Variants in ATXN1 observed in about 807,000 individuals in gnomAD.
ATXN1 encodes ataxin 1.
ATXN1 carries 8 observed loss-of-function variants against 56.4 expected under a neutral mutation model. The observed-to-expected ratio is 0.14, with a 90% CI of 0.08 to 0.26. The LOEUF is 0.26. Ranked by LOEUF, ATXN1 falls within the 10% of genes least tolerant of loss-of-function variation. ATXN1 has a pLI of 1.00. For missense variants in ATXN1, 987 were observed against 1,106.5 expected, an observed-to-expected ratio of 0.89 and a Z score of 1.53; for synonymous variants, 514 against 494.6, an observed-to-expected ratio of 1.04 and a Z score of -0.52.
rs180820944 is a variant in ATXN1 at position 16,549,242 on chromosome 6, G to A, written c.-360-26554C>T. On this transcript the variant is annotated intron_variant, in intron 4 of 7. Coordinates refer to ENST00000436367, the MANE Select transcript of ATXN1 (RefSeq NM_001128164.2). ...GTAAGTGCATAAACCAATAACAGTT[G>A]TTTATTACCATTATCAAGCATTATG... Among the ~76,000 whole-genome samples, 872 of 152,108 alleles carry A rather than the reference G, an allele frequency of 5.7e-3. 7 individuals carry two copies. The highest frequency in any genetic ancestry group is 8.9e-3 in the Non-Finnish European group (604 of 68,012).
chr6:16,379,567 G>C (rs75670595), intron 6 of ATXN1, among the ~76,000 whole-genome samples: 10 of 152,124 alleles, frequency 6.6e-5, no homozygotes, highest in Admixed American at 6.5e-4. Flanking sequence ...CAAGCAGAAA[G>C]TAACAGCTTA....
chr6:16,539,703 C>T (rs1007463379), intron 4 of ATXN1, among the ~76,000 whole-genome samples: 1 of 152,182 alleles, frequency 6.6e-6, no homozygotes, highest in African/African-American at 2.4e-5. Flanking sequence ...GCTTAGTCAT[C>T]GGATCAGCCT....
In ATXN1 at chr6:16,650,898, C is replaced by T. The variant is rs544664410; in HGVS notation, c.-489+6878G>A. Among the ~76,000 whole-genome samples, 7 of 152,220 alleles carry T rather than the reference C, an allele frequency of 4.6e-5. No individual in the cohort carries two copies. The South Asian group carries it at 8.3e-4, about 18-fold the overall frequency. On this transcript the variant is annotated intron_variant, in intron 3 of 7. Transcript: ENST00000436367. ...GAAATGCCCTGAATCTATTCTAGTT[C>T]GGGAGGAAAGGAGTAGAGAGGAGCT...
In ATXN1 at chr6:16,482,520, C is replaced by T. The variant is rs1290626863; in HGVS notation, c.-161+3452G>A. ...TGATAAGGTAACTCAAGAATTCCTA[C>T]TTAAGGAAGCAGAGAAGCTTAGGAA... On this transcript the variant is annotated intron_variant, in intron 6 of 7. Transcript: ENST00000436367. Among the ~76,000 whole-genome samples the T allele has an allele frequency of 2.0e-5, 3 of 152,154 alleles. No individual in the cohort carries two copies. The East Asian group carries it at 5.8e-4, about 29-fold the overall frequency.
chr6:16,593,807 TG>T (rs1242314618), intron 3 of ATXN1, among the ~76,000 whole-genome samples: 1 of 150,918 alleles, frequency 6.6e-6, no homozygotes, highest in Non-Finnish European at 1.5e-5. Context: ...TTCCATTCTG[TG>T]AAGCAAAAAA....
chr6:16,519,404 C>T (rs1157198903), intron 5 of ATXN1, among the ~76,000 whole-genome samples: 3 of 152,040 alleles, frequency 2.0e-5, no homozygotes, highest in Non-Finnish European at 4.4e-5. Flanking sequence ...ATGTGAAAGC[C>T]CCAACCACAC....
chr6:16,671,215 T>C (rs1170142831), intron 2 of ATXN1, among the ~76,000 whole-genome samples: 1 of 152,064 alleles, frequency 6.6e-6, no homozygotes, highest in Non-Finnish European at 1.5e-5. Context: ...AGGTAGTTTG[T>C]AATAAGAAGT....
At chr6:16,371,940 A>T (rs1224728145) in intron 6 of ATXN1, among the ~76,000 whole-genome samples, 1 of 151,890 alleles carries the variant, frequency 6.6e-6, no homozygotes, top group Non-Finnish European at 1.5e-5. Context: ...GACTTTACAT[A>T]TTTCTTTGAC....
At chr6:16,570,209 G>A (rs545868813) in intron 4 of ATXN1, among the ~76,000 whole-genome samples, 16 of 152,248 alleles carry the variant, frequency 1.1e-4, no homozygotes, top group East Asian at 5.8e-4. Context: ...GCCTCACACC[G>A]CTGAGATTTT....
At chr6:16,628,793 A>T (rs995020074) in intron 3 of ATXN1, among the ~76,000 whole-genome samples, 20 of 152,148 alleles carry the variant, frequency 1.3e-4, no homozygotes, top group African/African-American at 4.8e-4. Flanking sequence ...AAAAGACATG[A>T]TCTCATTCCT....
intron 6 of ATXN1, among the ~76,000 whole-genome samples, chr6:16,367,302 T>C (rs1415535136): frequency 6.6e-6 from 1 of 152,164 alleles, no homozygotes; most frequent in African/African-American, 2.4e-5. Flanking sequence ...ATTGTGTTTA[T>C]ATTCAGCACA....
At chr6:16,624,886 T>G (rs1030583433) in intron 3 of ATXN1, among the ~76,000 whole-genome samples, 5 of 152,210 alleles carry the variant, frequency 3.3e-5, no homozygotes, top group African/African-American at 1.2e-4. Context: ...TTCTGTATGT[T>G]TAAATTCTCA....
At chr6:16,660,178 C>T (rs1051428479) in intron 2 of ATXN1, among the ~76,000 whole-genome samples, 2 of 152,144 alleles carry the variant, frequency 1.3e-5, no homozygotes, top group African/African-American at 4.8e-5. Flanking sequence ...TTATCAATAC[C>T]GTTAATAATA....
At chr6:16,726,972 G>C (rs1203941897) in intron 2 of ATXN1, among the ~76,000 whole-genome samples, 2 of 152,140 alleles carry the variant, frequency 1.3e-5, no homozygotes, top group African/African-American at 2.4e-5. Flanking sequence ...CTGGATCTGG[G>C]CCAGTATGAC....
chr6:16,526,064 T>TATATATATATATATATATATAC lies in ATXN1; in HGVS notation c.-360-3377_-360-3376insGTATATATATATATATATATAT, dbSNP rs370698828. 2.4e-3 allele frequency among the ~76,000 whole-genome samples: 317 copies of TATATATATATATATATATATAC among 133,150 alleles called. 7 individuals are homozygous for TATATATATATATATATATATAC. The highest frequency in any genetic ancestry group is 8.3e-3 in the African/African-American group (270 of 32,410). 87.4% of individuals were successfully genotyped at this position (133,150 alleles called of 152,430 possible). ...ATCTATATATATATATATATATATA[T>TATATATATATATATATATATAC]ACATACATACAATCTATTTATAATG... On this transcript the variant is annotated intron_variant, in intron 4 of 7. Coordinates refer to ENST00000436367, the MANE Select transcript of ATXN1 (RefSeq NM_001128164.2).
rs1018164188 is a variant in ATXN1, at chr6:16,399,344, A to G, written c.-160-70874T>C. ...AAAATGACGTTAGGCTACGTAGCCA[A>G]CACTTTCTTGGAAAGGACTTTCCCT... On this transcript the variant is annotated intron_variant, in intron 6 of 7. Coordinates refer to ENST00000436367, the MANE Select transcript of ATXN1 (RefSeq NM_001128164.2). Among the ~76,000 whole-genome samples, 9 of 152,312 alleles carry G rather than the reference A, an allele frequency of 5.9e-5. No individual in the cohort carries two copies. The East Asian group carries it at 1.5e-3, about 26-fold the overall frequency.
intron 6 of ATXN1, among the ~76,000 whole-genome samples, chr6:16,444,031 G>T (rs982033334): frequency 6.6e-6 from 1 of 151,930 alleles, no homozygotes; most frequent in Non-Finnish European, 1.5e-5. Flanking sequence ...CAGGAGAATG[G>T]CGTGAACCTG....
intron 2 of ATXN1, among the ~76,000 whole-genome samples, chr6:16,705,404 G>C (rs1391468351): frequency 6.6e-6 from 1 of 152,166 alleles, no homozygotes; most frequent in Non-Finnish European, 1.5e-5. Flanking sequence ...CCCTGATCCA[G>C]TAAGTCACGG....
Position 16,524,078 on chromosome 6 carries a change from C to T in ATXN1, c.-360-1390G>A, listed in dbSNP as rs190293344. Among the ~76,000 whole-genome samples, 494 of 152,306 alleles carry T rather than the reference C, an allele frequency of 3.2e-3. 1 individual carries two copies. The highest frequency in any genetic ancestry group is 0.012 in the African/African-American group (482 of 41,566). The stretch of plus-strand genomic sequence containing the variant: ...CTGTGGAAGGCCACAGCTTTCCCGC[C>T]CTTTTCATCAGAGGACGTGGACGGC... On this transcript the variant is annotated intron_variant, in intron 4 of 7. Coordinates refer to ENST00000436367, the MANE Select transcript of ATXN1 (RefSeq NM_001128164.2).
Sources: allele counts gnomAD v4.1 joint callset (sites outside exome capture counted in the v4.1 genomes callset), GRCh38; gene constraint gnomAD v4.1.1; transcripts MANE v1.5; gene names NCBI Gene and HGNC (gene_info 2026-07-23, HGNC 2026-07-21).